LIPH: variants seen among roughly 807,000 people sequenced by gnomAD.
LIPH encodes the protein lipase member H.
Under a neutral mutation model 47.6 loss-of-function variants are expected in LIPH, and 32 were observed. That is an observed-to-expected ratio of 0.67 (90% confidence interval 0.51 to 0.90). The LOEUF (loss-of-function observed/expected upper bound fraction) is 0.90, where lower values mean the gene tolerates loss of function less well. Ranked by LOEUF, LIPH falls within the 40% of genes least tolerant of loss-of-function variation. The pLI is 0.00. For synonymous variants in LIPH, 190 were observed against 195.6 expected (o/e 0.97, Z 0.24); for missense variants, 497 against 541.4 (o/e 0.92, Z 0.81).
chr3:185,545,463 A>G (rs1176516295), intron 1 of LIPH, among the ~76,000 whole-genome samples: 1 of 152,186 alleles, frequency 6.6e-6, no homozygotes, highest in Non-Finnish European at 1.5e-5. Flanking sequence ...CCATTTATAT[A>G]TTGTCCACGG....
chr3:185,529,987 A>AGAGAGAGAGAGG (rs113097880), intron 3 of LIPH, among the ~76,000 whole-genome samples: 1 of 149,388 alleles, frequency 6.7e-6, no homozygotes, highest in African/African-American at 2.5e-5. Flanking sequence ...AGAGAGAGAG[A>AGAGAGAGAGAGG]GAGAAAATAA....
At chr3:185,543,650 G>C (rs1419862145) in intron 1 of LIPH, among the ~76,000 whole-genome samples, 1 of 152,100 alleles carries the variant, frequency 6.6e-6, no homozygotes, top group East Asian at 1.9e-4. Context: ...GGAGGTCAAG[G>C]CAGGAGGATT....
intron 1 of LIPH, among the ~76,000 whole-genome samples, chr3:185,539,232 G>A (rs1720624033): frequency 6.6e-6 from 1 of 152,012 alleles, no homozygotes; most frequent in South Asian, 2.1e-4. Flanking sequence ...CTCCCAAAGT[G>A]CTGGGATTAC....
At chr3:185,508,988 A>G (rs1455193873) in intron 9 of LIPH, 111 bp from the exon 10 acceptor site, 2 of 776,808 alleles carry the variant, frequency 2.6e-6, no homozygotes, top group African/African-American at 1.7e-5. Flanking sequence ...TGTTTTTAAT[A>G]TAGAAAACAC....
rs142030450 is a variant in LIPH at position 185,542,794 on chromosome 3, C to T, written c.50-7662G>A. Among the ~76,000 whole-genome samples, 170 of 152,250 alleles carry T rather than the reference C, an allele frequency of 1.1e-3. 1 individual carries two copies. Among genetic ancestry groups the T allele is most frequent in the African/African-American group, 3.6e-3 (148 of 41,550 alleles). ...ATGGAATACTATGTGCTCATAAAAA[C>T]GGATGAAATCATCTCTTTTGCAGCA... On this transcript the variant is annotated intron_variant, in intron 1 of 9. Coordinates refer to ENST00000296252, the MANE Select transcript of LIPH (RefSeq NM_139248.3).
At chr3:185,548,351 G>T (rs2148967102) in intron 1 of LIPH, among the ~76,000 whole-genome samples, 1 of 151,778 alleles carries the variant, frequency 6.6e-6, no homozygotes, top group Non-Finnish European at 1.5e-5. Context: ...GTTGCAATGA[G>T]CCAAGATCGC....
In LIPH at chr3:185,511,705, GA is replaced by G; in HGVS notation, c.1095-9del. The stretch of plus-strand genomic sequence containing the variant: ...TGAAATGTGGTGGGTTCACTGGAAG[GA>G]AGAAGTAATACTGAAAAATGGATAA... On this transcript the variant is annotated splice_polypyrimidine_tract_variant and intron_variant, in intron 8 of 9. Transcript: ENST00000296252. 1 of 1,602,346 alleles carries G rather than the reference GA, an allele frequency of 6.2e-7. No individual in the cohort carries two copies. The highest frequency in any genetic ancestry group is 8.6e-7 in the Non-Finnish European group (1 of 1,169,346).
rs375114479 is a variant in LIPH at position 185,548,062 on chromosome 3, A to G, written c.49+4361T>C. ...GAAGGAATTTCCAAAAGTCCAAGAAATAAAAATCTGAAGTTTTTTTAGGCC... is the reference window on the plus strand; with the variant it reads ...GAAGGAATTTCCAAAAGTCCAAGAAGTAAAAATCTGAAGTTTTTTTAGGCC... On this transcript the variant is annotated intron_variant, in intron 1 of 9. Coordinates refer to ENST00000296252, the MANE Select transcript of LIPH (RefSeq NM_139248.3). Among the ~76,000 whole-genome samples, 23 of 152,288 alleles carry G rather than the reference A, an allele frequency of 1.5e-4. No homozygotes were observed. In the South Asian group the frequency reaches 4.4e-3, roughly 29 times the overall value.
chr3:185,515,858 C>T (rs1361861932), intron 7 of LIPH, among the ~76,000 whole-genome samples: 1 of 152,160 alleles, frequency 6.6e-6, no homozygotes, highest in Non-Finnish European at 1.5e-5. Flanking sequence ...GAGTTGCTCA[C>T]ACCTGGCATG....
Position 185,506,849 on chromosome 3 carries a change from A to AAAC in LIPH, c.*1940_*1941insGTT, listed in dbSNP as rs1719392525. Reference sequence around the variant, plus strand: ...TCCATCTAAAAAAAAAAAAAAAAAAAAAAAAAAAAAACCAGGGCCTACAGC... The same window carrying AAAC: ...TCCATCTAAAAAAAAAAAAAAAAAAAAACAAAAAAAAAAACCAGGGCCTACAGC... On this transcript the variant is annotated 3_prime_UTR_variant, in exon 10 of 10. Transcript: ENST00000296252. The AAAC allele has an allele frequency of 6.7e-6, 1 of 150,328 alleles. No homozygotes were observed. The highest frequency in any genetic ancestry group is 2.5e-5 in the African/African-American group (1 of 40,740). 9.3% of individuals were successfully genotyped at this position (150,328 alleles called of 1,614,324 possible).
chr3:185,509,755 A>T (rs1260368546), intron 9 of LIPH, among the ~76,000 whole-genome samples: 1 of 152,202 alleles, frequency 6.6e-6, no homozygotes, highest in Non-Finnish European at 1.5e-5. Context: ...CTGAATAATG[A>T]CAATATGGGT....
chr3:185,511,120 A>G (rs867801521), intron 9 of LIPH, among the ~76,000 whole-genome samples: 19 of 151,360 alleles, frequency 1.3e-4, no homozygotes, highest in African/African-American at 4.1e-4. Flanking sequence ...CTGGACTTCA[A>G]CTCTTGGGCT....
Position 185,514,444 on chromosome 3 carries a change from T to G in LIPH, c.1060A>C (p.Lys354Gln). Reference protein sequence around the residue: ...RGDITIKLRDKAGNTTESKIN... With the variant: ...RGDITIKLRDQAGNTTESKIN... ...TTGGATTCTGTGGTGTTTCCAGCTT[T>G]GTCTCTCAATTTGATGGTAATGTCC... Residue 354 changes from lysine to glutamine, a missense_variant, in exon 8 of 10, where the codon AAA becomes CAA. Physicochemically the swap from Lys to Gln is moderately conservative, Grantham distance 53. Coordinates refer to ENST00000296252, the MANE Select transcript of LIPH (RefSeq NM_139248.3). 6.3e-7 allele frequency: 1 copy of G among 1,583,556 alleles called. No individual in the cohort carries two copies. The highest frequency in any genetic ancestry group is 8.7e-7 in the Non-Finnish European group (1 of 1,152,122).
intron 1 of LIPH, among the ~76,000 whole-genome samples, chr3:185,550,128 T>C (rs1721007345): frequency 6.6e-6 from 1 of 152,190 alleles, no homozygotes; most frequent in Non-Finnish European, 1.5e-5. Flanking sequence ...TTGTTAATTT[T>C]TGAACTGCAA....
At chr3:185,532,562 G>A (rs1451041101) in intron 3 of LIPH, among the ~76,000 whole-genome samples, 2 of 151,872 alleles carry the variant, frequency 1.3e-5, no homozygotes, top group African/African-American at 4.8e-5. Flanking sequence ...GGCCGAGATG[G>A]GTGGATCACC....
At chr3:185,524,467 T>C (rs1720003186) in intron 4 of LIPH, among the ~76,000 whole-genome samples, 2 of 150,930 alleles carry the variant, frequency 1.3e-5, no homozygotes, top group African/African-American at 4.9e-5. Flanking sequence ...TTTTTTTTTT[T>C]GAGATGGAGT....
intron 1 of LIPH, among the ~76,000 whole-genome samples, chr3:185,550,421 G>A (rs553362944): frequency 6.6e-6 from 1 of 152,170 alleles, no homozygotes; most frequent in South Asian, 2.1e-4. Flanking sequence ...CTAAGGAAAA[G>A]GAAGGTCACA....
At chr3:185,542,786 C>A (rs1430555751) in intron 1 of LIPH, among the ~76,000 whole-genome samples, 1 of 152,160 alleles carries the variant, frequency 6.6e-6, no homozygotes, top group Non-Finnish European at 1.5e-5. Context: ...ACTATGTGCT[C>A]ATAAAAACGG....
intron 3 of LIPH, among the ~76,000 whole-genome samples, chr3:185,529,833 T>A (rs1366567021): frequency 2.0e-5 from 3 of 150,096 alleles, no homozygotes; most frequent in African/African-American, 7.4e-5. Flanking sequence ...CAGGTTGCAG[T>A]GAGCCATGAT....
Sources: allele counts gnomAD v4.1 joint callset (sites outside exome capture counted in the v4.1 genomes callset), GRCh38; gene constraint gnomAD v4.1.1; transcripts MANE v1.5; gene names NCBI Gene and HGNC (gene_info 2026-07-23, HGNC 2026-07-21).